LARP1: variants seen among roughly 807,000 people sequenced by gnomAD.
LARP1 encodes la-related protein 1.
In LARP1, 36 loss-of-function variants were observed where a neutral mutation model predicts 122.7. The observed-to-expected ratio is 0.29, with a 90% confidence interval of 0.22 to 0.39. The LOEUF is 0.39. Among genes scored for constraint, LARP1 ranks in the 10% least tolerant of loss-of-function variants. LARP1 has a pLI of 1.00. For synonymous variants in LARP1, 539 were observed against 528.7 expected (o/e 1.02, Z -0.27); for missense variants, 1,040 against 1,403.6 (o/e 0.74, Z 4.14).
chr5:154,768,382 T>C (rs1473123627), intron 1 of LARP1, among the ~76,000 whole-genome samples: 1 of 152,186 alleles, frequency 6.6e-6, no homozygotes, highest in Non-Finnish European at 1.5e-5. Context: ...GGGGCTTATA[T>C]TCTGAAAGGC....
upstream of LARP1, among the ~76,000 whole-genome samples, chr5:154,751,677 T>C (rs1753498711): frequency 6.6e-6 from 1 of 152,212 alleles, no homozygotes. Flanking sequence ...TAAGATGTTT[T>C]GAGAGAGAAA....
At chr5:154,769,435 C>A (rs1371733403) in intron 1 of LARP1, among the ~76,000 whole-genome samples, 1 of 152,186 alleles carries the variant, frequency 6.6e-6, no homozygotes, top group African/African-American at 2.4e-5. Flanking sequence ...GAGGAACATC[C>A]TCATGGGAGA....
exon 1 of LARP1, chr5:154,713,113 C>G (rs1379304778): frequency 1.9e-6 from 3 of 1,613,498 alleles, no homozygotes; most frequent in Non-Finnish European, 2.5e-6. Context: ...CCTGTCCTGG[C>G]CCCCTTCAGC....
At position 154,802,310 on chromosome 5, in the gene LARP1, G is replaced by A; in HGVS notation, c.2020G>A (p.Glu674Lys). 3.7e-6 allele frequency: 6 copies of A among 1,614,180 alleles called. No individual in the cohort carries two copies. The highest frequency in any genetic ancestry group is 5.1e-6 in the Non-Finnish European group (6 of 1,180,030). The stretch of plus-strand genomic sequence containing the variant: ...CACCTCGCGTGCCAAGATGAGCGCC[G>A]AACTGGCCAAGGTCATTAATGATGG... ...NHTSRAKMSA[E>K]LAKVINDGLF... The change falls in exon 11 of 19, where the codon GAA (glutamate) becomes AAA (lysine). Residue 674 changes from glutamate to lysine, a missense_variant. Coordinates refer to ENST00000518297, the MANE Select transcript of LARP1 (RefSeq NM_033551.3). The surrounding 1 kb of genome is among the most constrained non-coding windows in gnomAD (Gnocchi z 5.1).
At chr5:154,784,558 C>T (rs538731159) in intron 1 of LARP1, among the ~76,000 whole-genome samples, 129 of 152,312 alleles carry the variant, frequency 8.5e-4, no homozygotes, top group Non-Finnish European at 4.3e-4. Context: ...TCCTAATTTT[C>T]CTGGCAGTGT....
At chr5:154,729,050 AT>A (rs1756398686) in intron 1 of LARP1, among the ~76,000 whole-genome samples, 1 of 152,196 alleles carries the variant, frequency 6.6e-6, no homozygotes, top group Non-Finnish European at 1.5e-5. Flanking sequence ...TAGCTACCAG[AT>A]GCTGCTGGCC....
rs142824638 is a variant in LARP1 at position 154,704,595 on chromosome 5, C to T, written c.-180+21558C>T. On this transcript the variant is annotated intron_variant, in intron 1 of 18. Transcript: ENST00000687700. ...CTGGGAGGCAGAGGCTGCAGTAAGCCGAGATCGTGCCATTGCACTCCAGCT... is the reference window on the plus strand; with the variant it reads ...CTGGGAGGCAGAGGCTGCAGTAAGCTGAGATCGTGCCATTGCACTCCAGCT... 1.1e-3 allele frequency among the ~76,000 whole-genome samples: 160 copies of T among 141,934 alleles called. 3 individuals are homozygous for T. The East Asian group carries it at 0.028, about 25-fold the overall frequency. The allele number at this position is 141,934 out of a possible 152,430, so 93.1% of individuals were successfully genotyped here.
At chr5:154,691,261 C>CAAAAAA (rs569760689) in intron 1 of LARP1, among the ~76,000 whole-genome samples, 1 of 115,712 alleles carries the variant, frequency 8.6e-6, no homozygotes, top group Non-Finnish European at 1.7e-5. Context: ...GACTCCGTCT[C>CAAAAAA]AAAAAAAAAA....
intron 1 of LARP1, among the ~76,000 whole-genome samples, chr5:154,787,521 C>G (rs2113752911): frequency 6.6e-6 from 1 of 152,332 alleles, no homozygotes; most frequent in South Asian, 2.1e-4. Context: ...TGGTCTCTTG[C>G]AGGGCCTGAC....
intron 1 of LARP1, among the ~76,000 whole-genome samples, chr5:154,762,252 ACAAAAAAAC>A (rs1211106917): frequency 1.2e-4 from 18 of 152,142 alleles, no homozygotes; most frequent in African/African-American, 3.4e-4. Context: ...TCAAAACAAA[ACAAAAAAAC>A]CAAAAAAACC....
chr5:154,809,217 C>T (rs528382326), intron 16 of LARP1, among the ~76,000 whole-genome samples: 8 of 151,642 alleles, frequency 5.3e-5, no homozygotes, highest in East Asian at 3.9e-4. Flanking sequence ...ATAATCCCAG[C>T]GCTTCGGGAG....
At chr5:154,748,004 AC>A (rs1158602459) in intron 1 of LARP1, among the ~76,000 whole-genome samples, 1 of 152,108 alleles carries the variant, frequency 6.6e-6, no homozygotes, top group African/African-American at 2.4e-5. Context: ...GCGGCACCAC[AC>A]CCAGCTAATT....
chr5:154,723,445 A>G (rs147979915), intron 1 of LARP1, among the ~76,000 whole-genome samples: 5 of 152,212 alleles, frequency 3.3e-5, no homozygotes, highest in African/African-American at 9.6e-5. Context: ...ATTACCATGG[A>G]CTGGGATGGG....
rs1038584923 is a variant in LARP1 at position 154,795,207 on chromosome 5, G to A, written c.1265G>A (p.Arg422Gln). Reference sequence around the variant, plus strand: ...TACTTCAGCGTGGACAATTTAGAGCGAGACTTCTTCCTGCGAAGGAAAATG... The same window carrying A: ...TACTTCAGCGTGGACAATTTAGAGCAAGACTTCTTCCTGCGAAGGAAAATG... ...EYYFSVDNLERDFFLRRKMDA... is the reference protein window; with the variant it reads ...EYYFSVDNLEQDFFLRRKMDA... Residue 422 changes from arginine to glutamine, a missense_variant, in exon 8 of 19, where the codon CGA becomes CAA. Transcript: ENST00000518297. 2.5e-6 allele frequency: 4 copies of A among 1,613,852 alleles called. No homozygotes were observed. Among genetic ancestry groups the A allele is most frequent in the Admixed American group, 1.7e-5 (1 of 60,004 alleles).
At chr5:154,769,010 TG>T (rs1321147806) in intron 1 of LARP1, among the ~76,000 whole-genome samples, 2 of 152,326 alleles carry the variant, frequency 1.3e-5, no homozygotes, top group African/African-American at 4.8e-5. Flanking sequence ...GCTAATTTTT[TG>T]TATTTTTAGT....
rs147960978 is a variant in LARP1, at chr5:154,778,758, C to T, written c.437-11567C>T. 5.1e-3 allele frequency among the ~76,000 whole-genome samples: 770 copies of T among 152,298 alleles called. 8 individuals carry two copies. The highest frequency in any genetic ancestry group is 5.4e-3 in the South Asian group (26 of 4,832). On this transcript the variant is annotated intron_variant, in intron 1 of 18. Transcript: ENST00000518297. ...TGTCAACCAGTCTCTTGACTTCTAGCCCAGGGCTCTGGTCACTCTTCCACT... is the reference window on the plus strand; with the variant it reads ...TGTCAACCAGTCTCTTGACTTCTAGTCCAGGGCTCTGGTCACTCTTCCACT...
At chr5:154,764,632 T>C (rs148348750) in intron 1 of LARP1, among the ~76,000 whole-genome samples, 14,523 of 133,368 alleles carry the variant, frequency 0.11, 849 homozygotes, top group African/African-American at 0.16. Flanking sequence ...TGGCTGGGCG[T>C]AGTGGCTCAC....
rs554527427 is a variant in LARP1, at chr5:154,698,539, T to C, written c.-180+15502T>C. On this transcript the variant is annotated intron_variant, in intron 1 of 18. Transcript: ENST00000687700. ...TTAAATCCAGGAGGCGGAGGTTGCA[T>C]TGAGCTGAGATCACACCACTGCACT... is the stretch of plus-strand genomic sequence containing the variant. Among the ~76,000 whole-genome samples the C allele has an allele frequency of 1.8e-4, 28 of 152,210 alleles. No homozygotes were observed. In the South Asian group the frequency reaches 4.8e-3, roughly 26 times the overall value.
chr5:154,750,264 C>G (rs1753416898), intron 1 of LARP1, among the ~76,000 whole-genome samples: 1 of 152,158 alleles, frequency 6.6e-6, no homozygotes, highest in South Asian at 2.1e-4. Flanking sequence ...TCATGGCTCA[C>G]TGCAGTCTCA....
Sources: allele counts gnomAD v4.1 joint callset (sites outside exome capture counted in the v4.1 genomes callset), GRCh38; gene constraint gnomAD v4.1.1; non-coding constraint Gnocchi (gnomAD v3.1); transcripts MANE v1.5; gene names NCBI Gene and HGNC (gene_info 2026-07-23, HGNC 2026-07-21).